IGFBP7: variants seen among roughly 807,000 people sequenced by gnomAD.
IGFBP7 encodes insulin-like growth factor-binding protein 7.
In IGFBP7, 31 loss-of-function variants were observed where a neutral mutation model predicts 29.4. That is an observed-to-expected ratio of 1.05 (90% CI 0.79 to 1.42). The LOEUF is 1.42. Ranked by LOEUF, IGFBP7 falls within the 40% of genes most tolerant of loss-of-function variation. IGFBP7 has a pLI of 0.00. For missense variants in IGFBP7, 393 were observed against 395.5 expected, an observed-to-expected ratio of 0.99 and a Z score of 0.05; for synonymous variants, 172 against 174.9, an observed-to-expected ratio of 0.98 and a Z score of 0.13.
intron 1 of IGFBP7, among the ~76,000 whole-genome samples, chr4:57,080,271 A>G (rs1286621842): frequency 6.6e-6 from 1 of 152,220 alleles, no homozygotes; most frequent in African/African-American, 2.4e-5. Context: ...AAAACTGAGT[A>G]TGGGAATACT....
intron 2 of IGFBP7, 70 bp from the exon 3 acceptor site, chr4:57,033,381 C>T (rs1723996516): frequency 3.2e-6 from 3 of 947,910 alleles, no homozygotes; most frequent in South Asian, 1.3e-5. Flanking sequence ...TGGCCACATC[C>T]CTACAATTGC....
intron 1 of IGFBP7, among the ~76,000 whole-genome samples, chr4:57,055,584 G>C (rs1724641826): frequency 6.6e-6 from 1 of 152,112 alleles, no homozygotes; most frequent in African/African-American, 2.4e-5. Flanking sequence ...GAAGGGTACA[G>C]ACACCTGATA....
chr4:57,076,951 A>G (rs190609828), intron 1 of IGFBP7, among the ~76,000 whole-genome samples: 1 of 152,304 alleles, frequency 6.6e-6, no homozygotes, highest in African/African-American at 2.4e-5. Context: ...CATAATTTCA[A>G]TCATATCCAA....
At chr4:57,083,298 C>T (rs1208311855) in intron 1 of IGFBP7, among the ~76,000 whole-genome samples, 6 of 152,186 alleles carry the variant, frequency 3.9e-5, no homozygotes, top group Admixed American at 3.9e-4. Context: ...TTTCCCTGCA[C>T]ATTTCCCAGC....
intron 1 of IGFBP7, among the ~76,000 whole-genome samples, chr4:57,059,115 G>A (rs971366214): frequency 1.2e-4 from 18 of 152,152 alleles, no homozygotes; most frequent in African/African-American, 3.4e-4. Context: ...GCAAGGTTGC[G>A]GAGAAAAGGG....
chr4:57,042,047 C>A (rs1724238627), intron 1 of IGFBP7, among the ~76,000 whole-genome samples: 1 of 152,172 alleles, frequency 6.6e-6, no homozygotes, highest in Non-Finnish European at 1.5e-5. Context: ...TGGGGGGCAC[C>A]CTCAAGCCAC....
rs2109811654 is a variant in IGFBP7 at position 57,109,360 on chromosome 4, G to A, written c.475+517C>T. On this transcript the variant is annotated intron_variant, in intron 1 of 4. Transcript: ENST00000295666. ...AGGCTGAGGCAGGAGGATCGCTTGA[G>A]GCAGAGGTTGCAGTGGGCCAAGATC... Among the ~76,000 whole-genome samples the A allele has an allele frequency of 2.0e-5, 3 of 152,202 alleles. No homozygotes were observed. The South Asian group carries it at 6.2e-4, about 32-fold the overall frequency.
At chr4:57,043,154 G>T (rs553152235) in intron 1 of IGFBP7, among the ~76,000 whole-genome samples, 2 of 152,310 alleles carry the variant, frequency 1.3e-5, no homozygotes, top group Admixed American at 1.3e-4. Context: ...TGAATGCCAG[G>T]GTTCAATCAC....
chr4:57,084,973 G>C lies in IGFBP7; in HGVS notation c.475+24904C>G, dbSNP rs551963284. ...GCCTGGATAATTTTTTTTAAAAATG[G>C]ATACAGGGTCTCACTATGTTGCCTG... On this transcript the variant is annotated intron_variant, in intron 1 of 4. Coordinates refer to ENST00000295666, the MANE Select transcript of IGFBP7 (RefSeq NM_001553.3). 2.0e-3 allele frequency among the ~76,000 whole-genome samples: 309 copies of C among 151,624 alleles called. 1 individual carries two copies. Among genetic ancestry groups the C allele is most frequent in the African/African-American group, 7.2e-3 (297 of 41,344 alleles).
intron 1 of IGFBP7, among the ~76,000 whole-genome samples, chr4:57,041,473 A>C (rs1005649356): frequency 1.3e-5 from 2 of 152,206 alleles, no homozygotes; most frequent in Admixed American, 6.5e-5. Context: ...AGGGAAGAAA[A>C]GAAACATGTG....
intron 1 of IGFBP7, among the ~76,000 whole-genome samples, chr4:57,085,188 G>A (rs1047288947): frequency 6.6e-6 from 1 of 151,564 alleles, no homozygotes; most frequent in African/African-American, 2.4e-5. Context: ...TATACTGTCT[G>A]GTCTTCCAAA....
chr4:57,054,587 C>A (rs1479981647), intron 1 of IGFBP7, among the ~76,000 whole-genome samples: 1 of 143,454 alleles, frequency 7.0e-6, no homozygotes, highest in Non-Finnish European at 1.5e-5. Flanking sequence ...TGCAGTGCAC[C>A]AAGATCACAC....
chr4:57,089,718 C>A (rs149875514), intron 1 of IGFBP7, among the ~76,000 whole-genome samples: 1,726 of 152,268 alleles, frequency 0.011, 24 homozygotes, highest in African/African-American at 0.028. Flanking sequence ...TCCACCACCC[C>A]CTTCTCTGTC....
At chr4:57,040,176 T>C (rs1178109081) in intron 2 of IGFBP7, among the ~76,000 whole-genome samples, 2 of 152,184 alleles carry the variant, frequency 1.3e-5, no homozygotes, top group Non-Finnish European at 2.9e-5. Flanking sequence ...TCATTCCTTC[T>C]ATCCTACTTC....
At chr4:57,057,069 G>A (rs535555129) in intron 1 of IGFBP7, among the ~76,000 whole-genome samples, 83 of 152,144 alleles carry the variant, frequency 5.5e-4, no homozygotes, top group African/African-American at 1.9e-3. Flanking sequence ...ATAGTAGCAC[G>A]ATCATGGCTC....
At chr4:57,054,019 T>C (rs1176784621) in intron 1 of IGFBP7, among the ~76,000 whole-genome samples, 1 of 152,226 alleles carries the variant, frequency 6.6e-6, no homozygotes, top group South Asian at 2.1e-4. Flanking sequence ...TTTCTCCTTC[T>C]TTTCTTGGGA....
chr4:57,036,290 C>T (rs1290610285), intron 2 of IGFBP7, among the ~76,000 whole-genome samples: 1 of 152,120 alleles, frequency 6.6e-6, no homozygotes, highest in African/African-American at 2.4e-5. Context: ...ACATTGGTTA[C>T]CTCAGGCAGG....
In IGFBP7 at chr4:57,030,956, A is replaced by G; in HGVS notation, c.*361T>C. 1.9e-6 allele frequency: 3 copies of G among 1,604,366 alleles called. No homozygotes were observed. The highest frequency in any genetic ancestry group is 1.7e-6 in the Non-Finnish European group (2 of 1,171,096). ...ACTATTGTTTCAGGAACTTATGTCT[A>G]TGAGTATTGCACCGCGAATGATGAG... is the stretch of plus-strand genomic sequence containing the variant. On this transcript the variant is annotated 3_prime_UTR_variant, in exon 5 of 5. Transcript: ENST00000295666.
intron 1 of IGFBP7, among the ~76,000 whole-genome samples, chr4:57,094,791 T>A (rs1381932024): frequency 6.6e-6 from 1 of 152,228 alleles, no homozygotes; most frequent in Non-Finnish European, 1.5e-5. Flanking sequence ...CCAAACACTG[T>A]CAATCCTCAC....
Sources: allele counts gnomAD v4.1 joint callset (sites outside exome capture counted in the v4.1 genomes callset), GRCh38; gene constraint gnomAD v4.1.1; transcripts MANE v1.5; gene names NCBI Gene and HGNC (gene_info 2026-07-23, HGNC 2026-07-21).